The following RIMS2 variants were observed in gnomAD, a reference collection of about 807,000 sequenced individuals.
RIMS2 encodes regulating synaptic membrane exocytosis protein 2.
In RIMS2, 59 loss-of-function variants were observed where a neutral mutation model predicts 174.4. The observed-to-expected ratio is 0.34, with a 90% CI of 0.27 to 0.42. The LOEUF is 0.42. RIMS2 is among the 10% of genes least tolerant of loss of function. The pLI is 1.00. For missense variants in RIMS2, 1,620 were observed against 1,666.3 expected, an observed-to-expected ratio of 0.97 and a Z score of 0.48; for synonymous variants, 606 against 572.5, an observed-to-expected ratio of 1.06 and a Z score of -0.84.
chr8:104,094,849 A>G, intron 19 of RIMS2: 1 of 561,458 alleles, frequency 1.8e-6, no homozygotes, highest in Non-Finnish European at 3.1e-6. Context: ...TTTAGCTTCT[A>G]ATATTACTAA....
exon 10 of RIMS2, chr8:103,921,687 A>C (rs766054816): frequency 6.8e-7 from 1 of 1,462,644 alleles, no homozygotes; most frequent in Non-Finnish European, 9.6e-7. Flanking sequence ...AGCTCCTTTG[A>C]ATCTCAAAAA....
intron 19 of RIMS2, among the ~76,000 whole-genome samples, chr8:104,043,181 A>G (rs1422288398): frequency 6.8e-6 from 1 of 146,068 alleles, no homozygotes; most frequent in Non-Finnish European, 1.5e-5. Flanking sequence ...AATAGAAGAG[A>G]AGGGAAAGGA....
At chr8:103,931,320 A>G (rs1462509488) in exon 12 of RIMS2, 13 of 1,604,942 alleles carry the variant, frequency 8.1e-6, no homozygotes, top group Non-Finnish European at 1.0e-5. Context: ...TTTGGGAGCA[A>G]AAGATCTCCC....
At chr8:103,611,040 G>T (rs2095351250) in intron 1 of RIMS2, among the ~76,000 whole-genome samples, 1 of 152,076 alleles carries the variant, frequency 6.6e-6, no homozygotes, top group African/African-American at 2.4e-5. Flanking sequence ...TTTCTTCCTG[G>T]TTCAGTCTTG....
chr8:104,029,522 T>G (rs2096339802), intron 19 of RIMS2, among the ~76,000 whole-genome samples: 1 of 152,182 alleles, frequency 6.6e-6, no homozygotes, highest in South Asian at 2.1e-4. Flanking sequence ...GTTCTTTCAT[T>G]GTCTTAAGCT....
intron 19 of RIMS2, chr8:104,223,824 CTCTA>C (rs765182551): frequency 3.8e-6 from 6 of 1,571,984 alleles, no homozygotes; most frequent in Non-Finnish European, 3.4e-6. Context: ...TAGTTGGTGT[CTCTA>C]TCTGTTTAGA....
At chr8:103,741,589 T>C (rs2097762215) in intron 2 of RIMS2, among the ~76,000 whole-genome samples, 1 of 152,076 alleles carries the variant, frequency 6.6e-6, no homozygotes, top group East Asian at 1.9e-4. Context: ...AAAAAAGCTG[T>C]ACCAAGACTT....
Position 103,799,130 on chromosome 8 carries a change from C to T in RIMS2, c.698+32593C>T, listed in dbSNP as rs986340234. Among the ~76,000 whole-genome samples the T allele has an allele frequency of 2.0e-5, 3 of 152,042 alleles. No individual in the cohort carries two copies. In the East Asian group the frequency reaches 5.8e-4, roughly 29 times the overall value. ...TGGTCTTACAACCACAACGTGAATT[C>T]TGCCAATAGTTTGAATGAGCAAAAA... On this transcript the variant is annotated intron_variant, in intron 3 of 23. Transcript: ENST00000504942.
At chr8:103,892,426 A>G (rs2099251938) in intron 4 of RIMS2, among the ~76,000 whole-genome samples, 1 of 151,632 alleles carries the variant, frequency 6.6e-6, no homozygotes, top group Non-Finnish European at 1.5e-5. Flanking sequence ...CTGGTCTTGA[A>G]CACCTGGGCT....
intron 19 of RIMS2, among the ~76,000 whole-genome samples, chr8:104,028,136 A>G (rs1332183937): frequency 6.6e-6 from 1 of 151,864 alleles, no homozygotes; most frequent in East Asian, 1.9e-4. Flanking sequence ...TCTAAAAAAA[A>G]AAAGATCTAA....
At chr8:103,819,201 A>G in intron 3 of RIMS2, 5 of 1,197,088 alleles carry the variant, frequency 4.2e-6, no homozygotes, top group Non-Finnish European at 5.2e-6. Flanking sequence ...AGTAGAGTAC[A>G]TGAAAGCAGC....
intron 19 of RIMS2, among the ~76,000 whole-genome samples, chr8:104,057,173 C>A (rs1176667784): frequency 6.6e-6 from 1 of 150,976 alleles, no homozygotes; most frequent in Non-Finnish European, 1.5e-5. Flanking sequence ...CTCAAGCAAT[C>A]CTCCTTCCTC....
intron 1 of RIMS2, among the ~76,000 whole-genome samples, chr8:103,643,145 A>G (rs1010489439): frequency 1.3e-5 from 2 of 151,374 alleles, no homozygotes; most frequent in Non-Finnish European, 3.0e-5. Context: ...TTATTGACAT[A>G]TTTTCAAGCT....
intron 19 of RIMS2, among the ~76,000 whole-genome samples, chr8:104,122,713 A>T (rs146946641): frequency 5.9e-5 from 9 of 152,310 alleles, no homozygotes; most frequent in African/African-American, 2.2e-4. Flanking sequence ...AATGAGAACA[A>T]TCTATGTTAT....
intron 2 of RIMS2, among the ~76,000 whole-genome samples, chr8:103,738,396 G>T (rs2097715200): frequency 6.6e-6 from 1 of 152,162 alleles, no homozygotes; most frequent in African/African-American, 2.4e-5. Context: ...ATGGATTAAA[G>T]ATTTAATTGT....
chr8:103,596,610 T>C (rs2094487673), intron 1 of RIMS2, among the ~76,000 whole-genome samples: 2 of 152,060 alleles, frequency 1.3e-5, no homozygotes. Context: ...ATTACTTTTA[T>C]CTGATCGTCA....
At chr8:103,604,256 A>T (rs189615796) in intron 1 of RIMS2, among the ~76,000 whole-genome samples, 1 of 151,138 alleles carries the variant, frequency 6.6e-6, no homozygotes, top group Admixed American at 6.6e-5. Flanking sequence ...TAAATAGAGA[A>T]TCCTTTCCCC....
chr8:103,993,071 G>A (rs1012410837), intron 17 of RIMS2, among the ~76,000 whole-genome samples: 4 of 152,064 alleles, frequency 2.6e-5, no homozygotes, highest in South Asian at 2.1e-4. Context: ...GCGAGATCGC[G>A]CCACTGCACT....
intron 19 of RIMS2, among the ~76,000 whole-genome samples, chr8:104,138,716 G>A (rs530628144): frequency 5.9e-4 from 90 of 151,648 alleles, no homozygotes; most frequent in Non-Finnish European, 8.8e-4. Flanking sequence ...CTATTCTGTG[G>A]ATTGTCTCTT....
Sources: gnomAD v4.1 joint callset for allele counts (sites outside exome capture counted in the v4.1 genomes callset) on GRCh38, gnomAD v4.1.1 for gene constraint, MANE v1.5 for transcripts, NCBI Gene and HGNC (gene_info 2026-07-23, HGNC 2026-07-21) for gene names.